MACROD2: variants seen among roughly 807,000 people sequenced by gnomAD.
The protein encoded by MACROD2 is mono-ADP ribosylhydrolase 2.
MACROD2 carries 36 observed loss-of-function variants against 70.4 expected under a neutral mutation model. The ratio of observed to expected loss-of-function variants is 0.51; its 90% CI spans 0.39 to 0.68. The LOEUF (loss-of-function observed/expected upper bound fraction) is 0.68, where lower values mean the gene tolerates loss of function less well. MACROD2 is among the 30% of genes least tolerant of loss of function. MACROD2 has a pLI of 0.00. For missense variants in MACROD2, 496 were observed against 538.4 expected (o/e 0.92, Z 0.78); for synonymous variants, 172 against 178.8 (o/e 0.96, Z 0.30).
chr20:14,690,096 TAAAG>T (rs1401504687), intron 5 of MACROD2, among the ~76,000 whole-genome samples: 1 of 151,494 alleles, frequency 6.6e-6, no homozygotes, highest in Non-Finnish European at 1.5e-5. Flanking sequence ...AAAATAAAAA[TAAAG>T]AAACCATATC....
chr20:14,139,775 C>CA (rs1428532797), intron 3 of MACROD2, among the ~76,000 whole-genome samples: 14 of 152,190 alleles, frequency 9.2e-5, no homozygotes, highest in Admixed American at 2.0e-4. Flanking sequence ...ATTCCCAATC[C>CA]AAAAATCCAA....
At chr20:15,070,144 C>T (rs1249266009) in intron 5 of MACROD2, among the ~76,000 whole-genome samples, 1 of 152,178 alleles carries the variant, frequency 6.6e-6, no homozygotes, top group Non-Finnish European at 1.5e-5. Flanking sequence ...AAGGATTATG[C>T]TGGAGCTGTA....
chr20:14,254,500 TA>T (rs2082037574), intron 3 of MACROD2, among the ~76,000 whole-genome samples: 1 of 152,122 alleles, frequency 6.6e-6, no homozygotes, highest in Non-Finnish European at 1.5e-5. Context: ...TTTTATCAGG[TA>T]AAATTGAGTC....
At chr20:14,831,780 C>CAAAAAAAAAAAAA (rs71190151) in intron 5 of MACROD2, among the ~76,000 whole-genome samples, 1 of 37,172 alleles carries the variant, frequency 2.7e-5, no homozygotes, top group Non-Finnish European at 4.6e-5. Context: ...AACTCCGTCT[C>CAAAAAAAAAAAAA]AAAAAAAAAA....
At position 15,720,097 on chromosome 20, in the gene MACROD2, G is replaced by A. The variant is rs138686405; in HGVS notation, c.646-142648G>A. Among the ~76,000 whole-genome samples the A allele has an allele frequency of 3.7e-3, 568 of 152,154 alleles. 4 individuals are homozygous for A. Among genetic ancestry groups the A allele is most frequent in the African/African-American group, 0.013 (539 of 41,526 alleles). On this transcript the variant is annotated intron_variant, in intron 8 of 17. Coordinates refer to ENST00000684519, the MANE Select transcript of MACROD2 (RefSeq NM_001351661.2). ...ATTTCACTTAATGTAATATCCTCAA[G>A]CCTCATCCACATTGTCAAAAATGAC...
At chr20:14,343,882 C>T (rs2083039213) in intron 3 of MACROD2, among the ~76,000 whole-genome samples, 2 of 152,214 alleles carry the variant, frequency 1.3e-5, no homozygotes, top group South Asian at 2.1e-4. Flanking sequence ...TAGCCAGCTA[C>T]TGCTGTCAGT....
intron 8 of MACROD2, among the ~76,000 whole-genome samples, chr20:15,713,342 T>C (rs112060643): frequency 0.02 from 3,048 of 152,318 alleles, 78 homozygotes; most frequent in African/African-American, 0.067. Flanking sequence ...AGTTCTGGGC[T>C]TCAGCTCTGT....
At chr20:14,591,124 T>C (rs565638552) in intron 4 of MACROD2, among the ~76,000 whole-genome samples, 8 of 152,328 alleles carry the variant, frequency 5.3e-5, no homozygotes, top group African/African-American at 1.7e-4. Flanking sequence ...TGTATTTTAA[T>C]TATAATCTAC....
Position 15,987,170 on chromosome 20 carries a change from C to T in MACROD2, c.1153+12C>T. On this transcript the variant is annotated intron_variant, in intron 15 of 17. Coordinates refer to ENST00000684519, the MANE Select transcript of MACROD2 (RefSeq NM_001351661.2). ...AGAAGGTGAAAAAGGTAGGACTGCT[C>T]TTAAATTAACCCATCAAGAATGGAG... The T allele has an allele frequency of 1.3e-6, 2 of 1,585,070 alleles. No individual in the cohort carries two copies. Among genetic ancestry groups the T allele is most frequent in the African/African-American group, 1.4e-5 (1 of 73,846 alleles).
chr20:14,439,343 G>A lies in MACROD2; in HGVS notation c.272-54136G>A, dbSNP rs557978813. 2.2e-4 allele frequency among the ~76,000 whole-genome samples: 33 copies of A among 151,966 alleles called. 1 individual carries two copies. The South Asian group carries it at 5.4e-3, about 25-fold the overall frequency. ...ATCGGGCAGTGTGATGCCTCTAACCGTATTTTTCTCAGAATTGCTTTGGCT... is the reference window on the plus strand; with the variant it reads ...ATCGGGCAGTGTGATGCCTCTAACCATATTTTTCTCAGAATTGCTTTGGCT... On this transcript the variant is annotated intron_variant, in intron 3 of 17. Transcript: ENST00000684519.
chr20:14,606,123 G>C (rs1232030309), intron 4 of MACROD2, among the ~76,000 whole-genome samples: 1 of 151,958 alleles, frequency 6.6e-6, no homozygotes, highest in Non-Finnish European at 1.5e-5. Flanking sequence ...ATAATACTGA[G>C]ATGTTTCCTA....
chr20:15,162,988 ATACCATGGCAGG>A (rs1413701217), intron 5 of MACROD2, among the ~76,000 whole-genome samples: 1 of 152,120 alleles, frequency 6.6e-6, no homozygotes, highest in Non-Finnish European at 1.5e-5. Flanking sequence ...AATAAACAGA[ATACCATGGCAGG>A]TAAGCTGAAA....
intron 3 of MACROD2, chr20:14,323,954 A>G (rs1378592689): frequency 6.6e-6 from 1 of 152,206 alleles, no homozygotes; most frequent in Non-Finnish European, 1.5e-5. Flanking sequence ...TACATGAAAC[A>G]CTGAACTCTT....
intron 4 of MACROD2, among the ~76,000 whole-genome samples, chr20:14,605,024 A>G (rs191491034): frequency 8.5e-5 from 13 of 152,352 alleles, no homozygotes; most frequent in African/African-American, 3.1e-4. Flanking sequence ...GCACTTGTAT[A>G]TTTGACTCTT....
chr20:15,804,157 G>C (rs1159885687), intron 8 of MACROD2, among the ~76,000 whole-genome samples: 1 of 152,166 alleles, frequency 6.6e-6, no homozygotes, highest in Non-Finnish European at 1.5e-5. Context: ...TATTCCATCA[G>C]ATCAGGCCCT....
chr20:15,648,105 C>T (rs535278597), intron 8 of MACROD2, among the ~76,000 whole-genome samples: 17 of 152,228 alleles, frequency 1.1e-4, no homozygotes, highest in African/African-American at 1.7e-4. Context: ...TAATGGATGA[C>T]GGCAGAGGTG....
At chr20:14,702,278 T>C (rs1455006962) in intron 5 of MACROD2, among the ~76,000 whole-genome samples, 1 of 151,916 alleles carries the variant, frequency 6.6e-6, no homozygotes, top group Non-Finnish European at 1.5e-5. Context: ...TACTTTTTGT[T>C]TTTAAAATAA....
At chr20:14,026,088 C>T (rs2053160312) in intron 2 of MACROD2, among the ~76,000 whole-genome samples, 1 of 152,158 alleles carries the variant, frequency 6.6e-6, no homozygotes, top group Admixed American at 6.5e-5. Flanking sequence ...GATCCCTTTA[C>T]CATTATGTAA....
At chr20:15,965,334 G>A (rs2066124623) in intron 12 of MACROD2, among the ~76,000 whole-genome samples, 1 of 152,154 alleles carries the variant, frequency 6.6e-6, no homozygotes, top group Non-Finnish European at 1.5e-5. Context: ...AGTCTGGTGA[G>A]TAATTTTTCA....
Sources: gnomAD v4.1 joint callset for allele counts (sites outside exome capture counted in the v4.1 genomes callset) on GRCh38, gnomAD v4.1.1 for gene constraint, MANE v1.5 for transcripts, NCBI Gene and HGNC (gene_info 2026-07-23, HGNC 2026-07-21) for gene names.